SCFD1: variants seen among roughly 807,000 people sequenced by gnomAD.
SCFD1 encodes the protein sec1 family domain-containing protein 1.
Under a neutral mutation model 103.2 loss-of-function variants are expected in SCFD1, and 37 were observed. The ratio of observed to expected loss-of-function variants is 0.36; its 90% CI spans 0.28 to 0.47. The LOEUF (loss-of-function observed/expected upper bound fraction) is 0.47, where lower values mean the gene tolerates loss of function less well. SCFD1 is among the 20% of genes least tolerant of loss of function. SCFD1 has a pLI of 1.00. For missense variants in SCFD1, 639 were observed against 761.2 expected (o/e 0.84, Z 1.89); for synonymous variants, 264 against 245.0 (o/e 1.08, Z -0.73).
intron 21 of SCFD1, among the ~76,000 whole-genome samples, chr14:30,719,806 T>G (rs925490689): frequency 6.6e-6 from 1 of 152,146 alleles, no homozygotes; most frequent in African/African-American, 2.4e-5. Flanking sequence ...ATGTAACACC[T>G]TGTGTCAATG....
At chr14:30,647,843 G>C (rs1250924267) in intron 7 of SCFD1, among the ~76,000 whole-genome samples, 1 of 152,064 alleles carries the variant, frequency 6.6e-6, no homozygotes, top group Non-Finnish European at 1.5e-5. Context: ...CAGAGACGGG[G>C]TTTCACCATG....
chr14:30,679,688 T>A (rs922672911), intron 14 of SCFD1, among the ~76,000 whole-genome samples: 2 of 152,096 alleles, frequency 1.3e-5, no homozygotes, highest in Non-Finnish European at 2.9e-5. Context: ...ACTGACTTTT[T>A]TTTTTTTTTT....
chr14:30,625,970 T>G (rs1474800835), intron 1 of SCFD1, among the ~76,000 whole-genome samples: 16 of 151,996 alleles, frequency 1.1e-4, no homozygotes. Flanking sequence ...TTCAAGAGTG[T>G]GAACAGCTGT....
rs563971062 is a variant in SCFD1 at position 30,714,293 on chromosome 14, G to C, written c.1630-1631G>C. On this transcript the variant is annotated intron_variant, in intron 19 of 24. Transcript: ENST00000458591. ...GGCGTGAACCCGGGAAGCGGAGCTT[G>C]CAGTGAGCCGAGATTGCGCCACTGC... Among the ~76,000 whole-genome samples the C allele has an allele frequency of 2.9e-3, 433 of 151,344 alleles. 4 individuals carry two copies. Among genetic ancestry groups the C allele is most frequent in the South Asian group, 5.6e-3 (27 of 4,804 alleles).
intron 9 of SCFD1, among the ~76,000 whole-genome samples, chr14:30,650,945 T>G (rs229208): frequency 0.011 from 1,671 of 152,250 alleles, 27 homozygotes; most frequent in African/African-American, 0.038. Flanking sequence ...ACCGCTTGGT[T>G]ATTTTTCACA....
intron 10 of SCFD1, among the ~76,000 whole-genome samples, chr14:30,665,915 C>A (rs1887916084): frequency 6.6e-6 from 1 of 152,166 alleles, no homozygotes; most frequent in African/African-American, 2.4e-5. Context: ...ATTCACAAAA[C>A]AAGTCCTTAG....
At chr14:30,635,057 A>T (rs1343003947) in intron 4 of SCFD1, 2 of 424,688 alleles carry the variant, frequency 4.7e-6, no homozygotes, top group Non-Finnish European at 9.3e-6. Context: ...GTCTTCCACA[A>T]GTCACAACAT....
intron 23 of SCFD1, among the ~76,000 whole-genome samples, chr14:30,723,931 G>A (rs1892831567): frequency 2.0e-5 from 3 of 151,910 alleles, no homozygotes; most frequent in Non-Finnish European, 4.4e-5. Flanking sequence ...GGGATTGCAG[G>A]GTTGAATGGT....
At position 30,728,173 on chromosome 14, in the gene SCFD1, T is replaced by C. The variant is rs533088980; in HGVS notation, c.1836+5614T>C. Among the ~76,000 whole-genome samples the C allele has an allele frequency of 2.6e-5, 4 of 152,326 alleles. No homozygotes were observed. The South Asian group carries it at 6.2e-4, about 24-fold the overall frequency. On this transcript the variant is annotated intron_variant, in intron 23 of 24. Coordinates refer to ENST00000458591, the MANE Select transcript of SCFD1 (RefSeq NM_016106.4). ...TCCTGAAGTATCTCTATAATCTGTT[T>C]AGTGTTGAGTCCCCCTTTAATTTCA...
intron 15 of SCFD1, among the ~76,000 whole-genome samples, chr14:30,695,833 C>T (rs1359083616): frequency 6.6e-6 from 1 of 152,076 alleles, no homozygotes; most frequent in Admixed American, 6.6e-5. Context: ...GATCGCACAA[C>T]TGCACTCCAG....
intron 3 of SCFD1, among the ~76,000 whole-genome samples, chr14:30,633,650 T>G (rs555818218): frequency 6.6e-6 from 1 of 152,316 alleles, no homozygotes; most frequent in South Asian, 2.1e-4. Context: ...ATTCTGAATA[T>G]GTTTTAGTTC....
chr14:30,712,812 GT>G (rs142891738), intron 19 of SCFD1, among the ~76,000 whole-genome samples: 2,955 of 152,090 alleles, frequency 0.019, 52 homozygotes, highest in Middle Eastern at 0.034. Context: ...ATACAATAAT[GT>G]TTTCCATTTT....
At chr14:30,646,178 A>T (rs1044882177) in intron 7 of SCFD1, among the ~76,000 whole-genome samples, 5 of 152,020 alleles carry the variant, frequency 3.3e-5, no homozygotes, top group African/African-American at 1.2e-4. Context: ...ACATGCCACC[A>T]CGCCCAGCTA....
At chr14:30,703,923 ATATATAT>A (rs1489647548) in intron 17 of SCFD1, among the ~76,000 whole-genome samples, 1 of 41,908 alleles carries the variant, frequency 2.4e-5, no homozygotes, top group East Asian at 1.8e-3. Flanking sequence ...ATATATATAT[ATATATAT>A]ATATATATAT....
At chr14:30,645,182 T>C (rs1259942481) in intron 7 of SCFD1, among the ~76,000 whole-genome samples, 1 of 152,216 alleles carries the variant, frequency 6.6e-6, no homozygotes, top group Non-Finnish European at 1.5e-5. Context: ...ACCTGTTCCA[T>C]TGGTCCATGT....
In SCFD1 at chr14:30,640,045, C is replaced by T. The variant is rs1292625050; in HGVS notation, c.523+181C>T. Among the ~76,000 whole-genome samples the T allele has an allele frequency of 2.6e-5, 4 of 152,120 alleles. No homozygotes were observed. In the South Asian group the frequency reaches 6.2e-4, roughly 24 times the overall value. ...CAGACTGAATTTTATTACATTTAAA[C>T]GTTTAATAAACCTGTTTTGTAAATT... On this transcript the variant is annotated intron_variant, in intron 6 of 24. Transcript: ENST00000458591.
rs781317181 is a variant in SCFD1 at position 30,639,867 on chromosome 14, A to G, written c.523+3A>G. 6.3e-7 allele frequency: 1 copy of G among 1,576,100 alleles called. No homozygotes were observed. The highest frequency in any genetic ancestry group is 8.6e-7 in the Non-Finnish European group (1 of 1,162,198). On this transcript the variant is annotated splice_donor_region_variant and intron_variant, in intron 6 of 24. Transcript: ENST00000458591. The stretch of plus-strand genomic sequence containing the variant: ...TAAGGAGCTTGTTTCATATCGTGGT[A>G]TGTAAAAATAGAAATGTTGCAATTC...
chr14:30,683,569 G>T, intron 14 of SCFD1: 1 of 264,964 alleles, frequency 3.8e-6, no homozygotes, highest in South Asian at 3.8e-5. Flanking sequence ...CGATGCTAGT[G>T]GTGGCTGGGT....
intron 23 of SCFD1, among the ~76,000 whole-genome samples, chr14:30,724,246 T>G (rs12878907): frequency 2.5e-4 from 12 of 47,178 alleles, no homozygotes; most frequent in South Asian, 1.9e-3. Flanking sequence ...TTTTTATGGG[T>G]TTTTTTTTTT....
Sources: allele counts gnomAD v4.1 joint callset (sites outside exome capture counted in the v4.1 genomes callset), GRCh38; gene constraint gnomAD v4.1.1; transcripts MANE v1.5; gene names NCBI Gene and HGNC (gene_info 2026-07-23, HGNC 2026-07-21).